Variants in ADCK1 observed in about 807,000 individuals in gnomAD.
The protein encoded by ADCK1 is aarF domain containing kinase 1, also known as aarF domain-containing protein kinase 1.
ADCK1 carries 41 observed loss-of-function variants against 52.3 expected under a neutral mutation model. That is an observed-to-expected ratio of 0.78 (90% confidence interval 0.61 to 1.02). The LOEUF (loss-of-function observed/expected upper bound fraction) is 1.02, where lower values mean the gene tolerates loss of function less well. ADCK1 is among the 50% of genes least tolerant of loss of function. The pLI is 0.00. For missense variants in ADCK1, 658 were observed against 679.5 expected (o/e 0.97, Z 0.35); for synonymous variants, 250 against 274.6 (o/e 0.91, Z 0.89).
At chr14:77,810,866 C>T (rs573384617) in intron 1 of ADCK1, among the ~76,000 whole-genome samples, 4 of 152,162 alleles carry the variant, frequency 2.6e-5, no homozygotes, top group Non-Finnish European at 5.9e-5. Flanking sequence ...CTTCATACTG[C>T]CTTCCTAATG....
chr14:77,896,475 A>C (rs1203402412), intron 5 of ADCK1, among the ~76,000 whole-genome samples: 1 of 152,264 alleles, frequency 6.6e-6, no homozygotes, highest in East Asian at 1.9e-4. Flanking sequence ...AGATTGGAGC[A>C]AAATGCTGGA....
intron 7 of ADCK1, among the ~76,000 whole-genome samples, chr14:77,916,604 G>A (rs918001814): frequency 1.3e-5 from 2 of 152,114 alleles, no homozygotes; most frequent in Admixed American, 6.5e-5. Flanking sequence ...ACAGGGGCAC[G>A]CCACCGTGCC....
At chr14:77,931,464 T>A (rs184292842) in intron 9 of ADCK1, 54 bp from the exon 10 acceptor site, 6 of 1,565,814 alleles carry the variant, frequency 3.8e-6, no homozygotes. Flanking sequence ...CTGCCACCCC[T>A]GGCCCCACTG....
At chr14:77,925,727 C>T (rs745827631) in intron 8 of ADCK1, 37 bp from the exon 9 acceptor site, 69 of 1,603,414 alleles carry the variant, frequency 4.3e-5, no homozygotes, top group Admixed American at 4.0e-4. Context: ...GGTGGGGAGA[C>T]GAGGCTTAGG....
chr14:77,900,797 C>T (rs1271212216), intron 6 of ADCK1: 1 of 335,116 alleles, frequency 3.0e-6, no homozygotes, highest in Non-Finnish European at 5.9e-6. Context: ...TATGATCAAA[C>T]TATTCCCTAA....
chr14:77,805,524 A>G (rs1418794076), intron 1 of ADCK1, among the ~76,000 whole-genome samples: 1 of 151,974 alleles, frequency 6.6e-6, no homozygotes, highest in Non-Finnish European at 1.5e-5. Context: ...GGCCTCCTAA[A>G]GTGTTGGGAT....
At position 77,934,603 on chromosome 14, in the gene ADCK1, C is replaced by T. The variant is rs2084412049; in HGVS notation, c.*1212C>T. 1 of 152,324 alleles carries T rather than the reference C, an allele frequency of 6.6e-6. No individual in the cohort carries two copies. The highest frequency in any genetic ancestry group is 6.5e-5 in the Admixed American group (1 of 15,276). 9.4% of individuals were successfully genotyped at this position (152,324 alleles called of 1,614,324 possible). A position where few individuals can be genotyped will look rare whatever the true frequency, so the allele number is the denominator to read the frequency against. ...TGCCAGCACTGCCTCTCCCCCCAGC[C>T]TGGTTGTCTGCTTCTGTTTCTTGGA... On this transcript the variant is annotated 3_prime_UTR_variant, in exon 11 of 11. Transcript: ENST00000238561.
chr14:77,914,931 T>C lies in ADCK1; in HGVS notation c.858+7012T>C, dbSNP rs188353274. Among the ~76,000 whole-genome samples, 247 of 148,260 alleles carry C rather than the reference T, an allele frequency of 1.7e-3. 5 individuals carry two copies. The South Asian group carries it at 0.031, about 18-fold the overall frequency. ...TAATAGTCATCTATTAAGCATATGG[T>C]ACCCCCTTACCCCCACTGTAAAAGC... On this transcript the variant is annotated intron_variant, in intron 7 of 10. Coordinates refer to ENST00000238561, the MANE Select transcript of ADCK1 (RefSeq NM_020421.4).
At chr14:77,931,186 T>C (rs1387838690) in intron 9 of ADCK1, among the ~76,000 whole-genome samples, 1 of 152,202 alleles carries the variant, frequency 6.6e-6, no homozygotes. Context: ...TGGTACTGGC[T>C]TCTGGGGGTC....
chr14:77,815,347 T>C (rs557621001), intron 1 of ADCK1, among the ~76,000 whole-genome samples: 45 of 151,748 alleles, frequency 3.0e-4, no homozygotes, highest in African/African-American at 8.9e-4. Flanking sequence ...CTGGGACTTA[T>C]AGGCGTAGGC....
chr14:77,921,823 G>A (rs1053492984), intron 7 of ADCK1, among the ~76,000 whole-genome samples: 6 of 152,032 alleles, frequency 3.9e-5, no homozygotes, highest in Non-Finnish European at 2.9e-5. Context: ...CCAATCCTGA[G>A]CCCCCAGACC....
Position 77,845,005 on chromosome 14 carries a change from A to C in ADCK1, c.220-14071A>C, listed in dbSNP as rs573219677. On this transcript the variant is annotated intron_variant, in intron 3 of 10. Transcript: ENST00000238561. ...AGAGGCGCATATGCACTCACTTCCT[A>C]TTCCTGACCCTGCTCAACTTCTCAA... Among the ~76,000 whole-genome samples, 11 of 152,344 alleles carry C rather than the reference A, an allele frequency of 7.2e-5. 1 individual carries two copies. The South Asian group carries it at 2.3e-3, about 32-fold the overall frequency.
chr14:77,905,304 GTTTTT>G (rs58057378), intron 6 of ADCK1, among the ~76,000 whole-genome samples: 1,943 of 96,294 alleles, frequency 0.02, 82 homozygotes, highest in African/African-American at 0.08. Context: ...TTCCTAGCTG[GTTTTT>G]TTTTTTTTTT....
intron 5 of ADCK1, among the ~76,000 whole-genome samples, chr14:77,890,638 G>A (rs753360266): frequency 1.2e-4 from 19 of 152,140 alleles, no homozygotes; most frequent in Non-Finnish European, 2.2e-4. Flanking sequence ...ATTCCTCAAC[G>A]TTGTCATATG....
At chr14:77,844,045 G>A in intron 3 of ADCK1, among the ~76,000 whole-genome samples, 1 of 152,060 alleles carries the variant, frequency 6.6e-6, no homozygotes, top group Non-Finnish European at 1.5e-5. Context: ...GCCAGGATGT[G>A]AATGACTGAT....
chr14:77,892,747 T>G (rs2083309040), intron 5 of ADCK1, among the ~76,000 whole-genome samples: 1 of 152,194 alleles, frequency 6.6e-6, no homozygotes, highest in African/African-American at 2.4e-5. Context: ...ACCACCTTGA[T>G]TGGCTTAAAC....
intron 1 of ADCK1, among the ~76,000 whole-genome samples, chr14:77,813,925 ACCC>A (rs2081386696): frequency 6.6e-6 from 1 of 150,924 alleles, no homozygotes; most frequent in Non-Finnish European, 1.5e-5. Flanking sequence ...ATGCCACAAC[ACCC>A]GGCTAACTTT....
At chr14:77,850,775 C>T (rs2082268555) in intron 3 of ADCK1, among the ~76,000 whole-genome samples, 1 of 151,650 alleles carries the variant, frequency 6.6e-6, no homozygotes, top group African/African-American at 2.4e-5. Flanking sequence ...CTCAGCTTCC[C>T]GAGTAGCTGG....
intron 3 of ADCK1, among the ~76,000 whole-genome samples, chr14:77,823,566 T>G (rs2081627089): frequency 7.8e-6 from 1 of 127,402 alleles, no homozygotes. Flanking sequence ...CCCCCTTTAT[T>G]TATTTATTTA....
Sources: gnomAD v4.1 joint callset for allele counts (sites outside exome capture counted in the v4.1 genomes callset) on GRCh38, gnomAD v4.1.1 for gene constraint, MANE v1.5 for transcripts, NCBI Gene and HGNC (gene_info 2026-07-23, HGNC 2026-07-21) for gene names.